The following NKAIN3 variants were observed in gnomAD, a reference collection of about 807,000 sequenced individuals.
NKAIN3 encodes sodium/potassium-transporting ATPase subunit beta-1-interacting protein 3.
A neutral mutation model predicts 30.2 loss-of-function variants in NKAIN3; 25 were observed. The ratio of observed to expected loss-of-function variants is 0.83; its 90% CI spans 0.60 to 1.16. The LOEUF is 1.16. Ranked by LOEUF, NKAIN3 falls within the 50% of genes most tolerant of loss-of-function variation. The pLI, the probability that NKAIN3 is intolerant of heterozygous loss-of-function variation, is 0.00. For missense variants in NKAIN3, 225 were observed against 254.1 expected (o/e 0.89, Z 0.78); for synonymous variants, 91 against 89.6 (o/e 1.02, Z -0.09).
chr8:62,643,163 G>A (rs1812358029), intron 3 of NKAIN3, among the ~76,000 whole-genome samples: 1 of 151,994 alleles, frequency 6.6e-6, no homozygotes, highest in Admixed American at 6.6e-5. Flanking sequence ...GAGTATAGTG[G>A]TTTAAATGCA....
At chr8:62,804,315 G>C (rs2130700894) in intron 4 of NKAIN3, among the ~76,000 whole-genome samples, 1 of 152,166 alleles carries the variant, frequency 6.6e-6, no homozygotes, top group Admixed American at 6.6e-5. Flanking sequence ...AACCAAAAAA[G>C]AGAATACCAA....
intron 1 of NKAIN3, among the ~76,000 whole-genome samples, chr8:62,462,965 T>A (rs1438576788): frequency 2.0e-5 from 3 of 152,186 alleles, no homozygotes; most frequent in Admixed American, 2.0e-4. Context: ...AACATTCCAG[T>A]CATTCCCATA....
At chr8:62,686,469 A>G (rs1813803486) in intron 3 of NKAIN3, among the ~76,000 whole-genome samples, 1 of 152,186 alleles carries the variant, frequency 6.6e-6, no homozygotes, top group Non-Finnish European at 1.5e-5. Flanking sequence ...AAGTGTTTTT[A>G]GAGAAAGGGG....
At chr8:62,482,935 C>T (rs1446217191) in intron 1 of NKAIN3, 1 of 152,118 alleles carries the variant, frequency 6.6e-6, no homozygotes, top group Non-Finnish European at 1.5e-5. Flanking sequence ...TCAAATTTTT[C>T]AAAAGGATGT....
At chr8:62,523,385 A>C (rs1316503956) in intron 1 of NKAIN3, among the ~76,000 whole-genome samples, 1 of 152,142 alleles carries the variant, frequency 6.6e-6, no homozygotes, top group African/African-American at 2.4e-5. Flanking sequence ...TGCTTGAGAG[A>C]GCTGAGGAAT....
At chr8:62,783,755 G>A in intron 4 of NKAIN3, among the ~76,000 whole-genome samples, 1 of 151,758 alleles carries the variant, frequency 6.6e-6, no homozygotes, top group East Asian at 1.9e-4. Flanking sequence ...AGACTACAAG[G>A]GAGACTCCAG....
chr8:62,874,369 C>G (rs941893304), intron 4 of NKAIN3, among the ~76,000 whole-genome samples: 3 of 152,092 alleles, frequency 2.0e-5, no homozygotes, highest in African/African-American at 7.2e-5. Context: ...ACCCCAGGAC[C>G]AGATGGATTC....
chr8:62,741,040 A>AAC (rs1815850522), intron 3 of NKAIN3, among the ~76,000 whole-genome samples: 1 of 150,744 alleles, frequency 6.6e-6, no homozygotes, highest in Non-Finnish European at 1.5e-5. Context: ...AAAAAAAAAA[A>AAC]CACCAAATCT....
intron 1 of NKAIN3, among the ~76,000 whole-genome samples, chr8:62,555,514 ATAT>A (rs779253357): frequency 1.7e-4 from 26 of 152,068 alleles, no homozygotes; most frequent in Non-Finnish European, 3.4e-4. Flanking sequence ...ATTTCTAAGG[ATAT>A]TATACAGAAA....
intron 1 of NKAIN3, among the ~76,000 whole-genome samples, chr8:62,391,524 A>G (rs1817583373): frequency 6.6e-6 from 1 of 152,122 alleles, no homozygotes; most frequent in Non-Finnish European, 1.5e-5. Flanking sequence ...GCATTTAAAT[A>G]GGGACAAGTA....
At position 62,803,084 on chromosome 8, in the gene NKAIN3, C is replaced by T. The variant is rs544927109; in HGVS notation, c.471+55955C>T. ...GCTAACTATCCTAAATATATATGCA[C>T]CCAATATGAGAGCACCCAGATTCAT... On this transcript the variant is annotated intron_variant, in intron 4 of 6. Coordinates refer to ENST00000623646, the MANE Select transcript of NKAIN3 (RefSeq NM_001304533.3). Among the ~76,000 whole-genome samples the T allele has an allele frequency of 1.7e-4, 26 of 152,230 alleles. No individual in the cohort carries two copies. In the East Asian group the frequency reaches 4.8e-3, roughly 28 times the overall value.
intron 5 of NKAIN3, among the ~76,000 whole-genome samples, chr8:62,944,601 G>T (rs905553863): frequency 1.2e-4 from 19 of 152,006 alleles, no homozygotes; most frequent in Non-Finnish European, 2.6e-4. Flanking sequence ...CAGTGTAGTG[G>T]CTTGCAAATC....
intron 1 of NKAIN3, among the ~76,000 whole-genome samples, chr8:62,396,368 C>CTCCTTAGTG (rs1178571969): frequency 6.6e-6 from 1 of 152,198 alleles, no homozygotes; most frequent in African/African-American, 2.4e-5. Context: ...AGCCTATACT[C>CTCCTTAGTG]TCCTTAGTGT....
chr8:62,935,196 C>A (rs1822745958), intron 5 of NKAIN3, among the ~76,000 whole-genome samples: 1 of 152,070 alleles, frequency 6.6e-6, no homozygotes, highest in Admixed American at 6.6e-5. Context: ...CGTGAAAGTT[C>A]CACAGGGACA....
At chr8:62,619,775 C>G (rs1368787895) in intron 3 of NKAIN3, among the ~76,000 whole-genome samples, 2 of 151,678 alleles carry the variant, frequency 1.3e-5, no homozygotes, top group Non-Finnish European at 2.9e-5. Flanking sequence ...AACGAACATG[C>G]CTTTGGCTTT....
intron 5 of NKAIN3, among the ~76,000 whole-genome samples, chr8:62,991,758 T>C (rs766627617): frequency 1.3e-5 from 2 of 152,192 alleles, no homozygotes; most frequent in Non-Finnish European, 2.9e-5. Flanking sequence ...ATTTTGGTGA[T>C]GAAAAATAAA....
intron 6 of NKAIN3, among the ~76,000 whole-genome samples, chr8:62,956,152 G>A (rs2130899512): frequency 6.6e-6 from 1 of 152,238 alleles, no homozygotes. Context: ...CAATCTACTT[G>A]ATTTCTTTTA....
At chr8:62,579,473 A>T in intron 1 of NKAIN3, 66 bp from the exon 2 acceptor site, 1 of 1,299,944 alleles carries the variant, frequency 7.7e-7, no homozygotes, top group Non-Finnish European at 1.0e-6. Context: ...CAGCCATGAG[A>T]TAAAGATTAA....
At chr8:62,585,776 T>C (rs1195980219) in intron 2 of NKAIN3, among the ~76,000 whole-genome samples, 1 of 152,146 alleles carries the variant, frequency 6.6e-6, no homozygotes, top group Non-Finnish European at 1.5e-5. Flanking sequence ...GAATGGGCCT[T>C]ATGTGCTTCT....
Sources: gnomAD v4.1 joint callset for allele counts (sites outside exome capture counted in the v4.1 genomes callset) on GRCh38, gnomAD v4.1.1 for gene constraint, MANE v1.5 for transcripts, NCBI Gene and HGNC (gene_info 2026-07-23, HGNC 2026-07-21) for gene names.